SATB1: variants seen among roughly 807,000 people sequenced by gnomAD.
The protein encoded by SATB1 is DNA-binding protein SATB1.
A neutral mutation model predicts 86.9 loss-of-function variants in SATB1; 11 were observed. The ratio of observed to expected loss-of-function variants is 0.13; its 90% CI spans 0.08 to 0.21. The LOEUF is 0.21. Among genes scored for constraint, SATB1 ranks in the 10% least tolerant of loss-of-function variants. The probability of loss-of-function intolerance (pLI) is 1.00; values close to 1 mark genes in which losing one functional copy is unlikely to be tolerated. For synonymous variants in SATB1, 357 were observed against 357.2 expected, an observed-to-expected ratio of 1.00 and a Z score of 0.01; for missense variants, 551 against 937.6, an observed-to-expected ratio of 0.59 and a Z score of 5.39.
At chr3:18,393,038 T>A (rs116028914) in intron 7 of SATB1, among the ~76,000 whole-genome samples, 1 of 151,118 alleles carries the variant, frequency 6.6e-6, no homozygotes, top group Non-Finnish European at 1.5e-5. Context: ...TCAGGTCTCC[T>A]AACTCCCCAT....
intron 9 of SATB1, among the ~76,000 whole-genome samples, chr3:18,364,159 A>C (rs1038450016): frequency 6.6e-6 from 1 of 152,180 alleles, no homozygotes; most frequent in Non-Finnish European, 1.5e-5. Context: ...AAATTTATCT[A>C]ATCATTGATC....
At chr3:18,365,073 T>G (rs949628076) in intron 9 of SATB1, among the ~76,000 whole-genome samples, 2 of 152,170 alleles carry the variant, frequency 1.3e-5, no homozygotes, top group African/African-American at 4.8e-5. Context: ...TCATCTCATT[T>G]ATATATTTCA....
At chr3:18,445,269 C>A in intron 1 of SATB1, 1 of 982,724 alleles carries the variant, frequency 1.0e-6, no homozygotes, top group Non-Finnish European at 1.2e-6. Context: ...GCACTGAAGC[C>A]CGAGCCGAGC....
At chr3:18,415,274 TTGC>T (rs1698051877) in intron 4 of SATB1, 40 bp from the exon 5 acceptor site, 1 of 1,610,270 alleles carries the variant, frequency 6.2e-7, no homozygotes, top group East Asian at 2.2e-5. Flanking sequence ...TATTACAAGA[TTGC>T]ATCCCGCTGC....
chr3:18,434,162 CTCTCA>C (rs1698981316), intron 2 of SATB1, among the ~76,000 whole-genome samples: 1 of 151,896 alleles, frequency 6.6e-6, no homozygotes, highest in African/African-American at 2.4e-5. Context: ...AAAAATTAAC[CTCTCA>C]TCTCTTCTTT....
chr3:18,417,062 A>G lies in SATB1; in HGVS notation c.228T>C (p.Val76=), dbSNP rs1389808167. 1.1e-5 allele frequency: 18 copies of G among 1,612,808 alleles called. No homozygotes were observed. Among genetic ancestry groups the G allele is most frequent in the Non-Finnish European group, 1.2e-5 (14 of 1,179,438 alleles). ...TTTCATAATGTTCCACCACACAGAAAACTGGCAGCATGGTTCCTATCAAAA... is the reference window on the plus strand; with the variant it reads ...TTTCATAATGTTCCACCACACAGAAGACTGGCAGCATGGTTCCTATCAAAA... ...TNLRKGTMLP[V]FCVVEHYENA... The change falls in exon 3 of 11, where the codon GTT becomes GTC. Residue 76 remains valine, a synonymous_variant. Transcript: ENST00000338745.
chr3:18,432,831 T>A (rs540652557), intron 2 of SATB1, among the ~76,000 whole-genome samples: 40 of 150,942 alleles, frequency 2.7e-4, no homozygotes, highest in Admixed American at 2.3e-3. Flanking sequence ...AGCAAAACAA[T>A]CTTTCATGTA....
intron 1 of SATB1, among the ~76,000 whole-genome samples, chr3:18,423,296 T>G (rs961171202): frequency 6.6e-6 from 1 of 152,216 alleles, no homozygotes; most frequent in East Asian, 1.9e-4. Context: ...AGACCATATA[T>G]GATAATTACT....
chr3:18,378,854 G>C (rs1452623670), intron 8 of SATB1, among the ~76,000 whole-genome samples: 2 of 152,040 alleles, frequency 1.3e-5, no homozygotes, highest in African/African-American at 4.8e-5. Flanking sequence ...TTGCAGAACT[G>C]CGTATTTAAA....
At chr3:18,436,088 C>T (rs930517750) in intron 2 of SATB1, among the ~76,000 whole-genome samples, 5 of 152,036 alleles carry the variant, frequency 3.3e-5, no homozygotes, top group Admixed American at 2.0e-4. Flanking sequence ...CTAACACAAC[C>T]CTACTGCAAT....
rs371592254 is a variant in SATB1, at chr3:18,386,387, A to T, written c.1419+12T>A. The T allele has an allele frequency of 4.7e-5, 76 of 1,605,108 alleles. 1 individual carries two copies. In the African/African-American group the frequency reaches 9.9e-4, roughly 21 times the overall value. ...TAAACAAAGAAGGGCAAGGAGGAAA[A>T]GGAGACCGCACCTGGGGAGGACGGC... On this transcript the variant is annotated intron_variant, in intron 8 of 10. Transcript: ENST00000338745. The surrounding 1 kb of genome is among the most constrained non-coding windows in gnomAD (Gnocchi z 4.5).
chr3:18,400,284 G>A (rs569055604), intron 5 of SATB1, among the ~76,000 whole-genome samples: 1 of 152,034 alleles, frequency 6.6e-6, no homozygotes, highest in Non-Finnish European at 1.5e-5. Flanking sequence ...TAGGTCTGGG[G>A]CACCATATTA....
chr3:18,415,019 A>G, intron 5 of SATB1, 92 bp downstream of exon 5: 1 of 1,439,278 alleles, frequency 6.9e-7, no homozygotes, highest in Admixed American at 1.9e-5. Flanking sequence ...CTTGCTTCAG[A>G]TACCAGTTGC....
At chr3:18,370,262 T>C (rs117427697) in intron 9 of SATB1, among the ~76,000 whole-genome samples, 1 of 152,188 alleles carries the variant, frequency 6.6e-6, no homozygotes, top group East Asian at 1.9e-4. Context: ...AATCTCTTCT[T>C]TTCTCTGGAG....
At chr3:18,375,287 T>C (rs902562091) in intron 9 of SATB1, among the ~76,000 whole-genome samples, 15 of 152,112 alleles carry the variant, frequency 9.9e-5, no homozygotes, top group Non-Finnish European at 1.5e-4. Flanking sequence ...TTTAAGAAAC[T>C]CTCATGTGTA....
At chr3:18,406,063 CTCCA>C (rs1334826349) in intron 5 of SATB1, among the ~76,000 whole-genome samples, 5 of 151,972 alleles carry the variant, frequency 3.3e-5, no homozygotes, top group African/African-American at 7.2e-5. Context: ...TAATAAAGAG[CTCCA>C]TCCATCACTA....
In SATB1 at chr3:18,355,484, GAACA is replaced by G. The variant is rs1289519007; in HGVS notation, c.1576-3293_1576-3290del. 2.0e-5 allele frequency among the ~76,000 whole-genome samples: 3 copies of G among 151,976 alleles called. No individual in the cohort carries two copies. The East Asian group carries it at 5.8e-4, about 29-fold the overall frequency. On this transcript the variant is annotated intron_variant, in intron 9 of 10. Transcript: ENST00000338745. Reference sequence around the variant, plus strand: ...CAGTTTTCCACAAGTGATATTGTTAGAACAAATAAACTTGGGAAGAAAATGAATA... The same window carrying G: ...CAGTTTTCCACAAGTGATATTGTTAGAATAAACTTGGGAAGAAAATGAATA...
chr3:18,425,288 A>C lies in SATB1; in HGVS notation c.-1686T>G, dbSNP rs1698630438. On this transcript the variant is annotated 5_prime_UTR_variant, in exon 1 of 11. Transcript: ENST00000338745. ...CCCGCCGCCGCCCGGAGCCTTCCCCAGCGGGGCCGGCTCATCCGCCGCGTC... is the reference window on the plus strand; with the variant it reads ...CCCGCCGCCGCCCGGAGCCTTCCCCCGCGGGGCCGGCTCATCCGCCGCGTC... 4.0e-5 allele frequency: 6 copies of C among 150,910 alleles called. No homozygotes were observed. The highest frequency in any genetic ancestry group is 3.9e-4 in the South Asian group (2 of 5,118). The allele number at this position is 150,910 out of a possible 1,614,324, so 9.3% of individuals were successfully genotyped here. A position where few individuals can be genotyped will look rare whatever the true frequency, so the allele number is the denominator to read the frequency against.
At chr3:18,433,831 GCATGGA>G in intron 2 of SATB1, among the ~76,000 whole-genome samples, 1 of 152,010 alleles carries the variant, frequency 6.6e-6, no homozygotes, top group South Asian at 2.1e-4. Context: ...TAGATAACTA[GCATGGA>G]CTATACATGG....
Sources: allele counts gnomAD v4.1 joint callset (sites outside exome capture counted in the v4.1 genomes callset), GRCh38; gene constraint gnomAD v4.1.1; non-coding constraint Gnocchi (gnomAD v3.1); transcripts MANE v1.5; gene names NCBI Gene and HGNC (gene_info 2026-07-23, HGNC 2026-07-21).